The following P2RY14 variants were observed in gnomAD, a reference collection of about 807,000 sequenced individuals.
The protein encoded by P2RY14 is P2Y purinoceptor 14.
In P2RY14, 2 loss-of-function variants were observed where a neutral mutation model predicts 0.9. That is an observed-to-expected ratio of 2.16 (90% CI 0.88 to 6.79). The LOEUF is 6.79. P2RY14 is among the 30% of genes most tolerant of loss of function. P2RY14 has a pLI of 0.05. For missense variants in P2RY14, 378 were observed against 400.1 expected (o/e 0.94, Z 0.47); for synonymous variants, 158 against 147.2 (o/e 1.07, Z -0.53).
intron 1 of P2RY14, among the ~76,000 whole-genome samples, chr3:151,228,121 A>G (rs1310264029): frequency 6.6e-6 from 1 of 152,182 alleles, no homozygotes; most frequent in East Asian, 1.9e-4. Flanking sequence ...AGGTCTAGGA[A>G]TGTGAAGTGT....
intron 1 of P2RY14, chr3:151,269,597 CTACAT>C (rs1740498456): frequency 5.9e-6 from 2 of 339,100 alleles, no homozygotes; most frequent in Non-Finnish European, 1.1e-5. Flanking sequence ...CCACAAGTGT[CTACAT>C]TACTTGGGGA....
intron 1 of P2RY14, among the ~76,000 whole-genome samples, chr3:151,248,666 A>G (rs1036164362): frequency 6.6e-6 from 1 of 152,180 alleles, no homozygotes; most frequent in South Asian, 2.1e-4. Context: ...TATCAAATTA[A>G]AAAAGGATAC....
rs113029977 is a variant in P2RY14 at position 151,247,803 on chromosome 3, G to T, written c.-132-28161C>A. 5.7e-3 allele frequency among the ~76,000 whole-genome samples: 859 copies of T among 151,424 alleles called. 4 individuals are homozygous for T. The highest frequency in any genetic ancestry group is 9.8e-3 in the Non-Finnish European group (668 of 67,858). The stretch of plus-strand genomic sequence containing the variant: ...AAAAAAATGAATTAGGACTTAAGAA[G>T]TTGCATTTTCTCCATTTAGAGAGTC... On this transcript the variant is annotated intron_variant, in intron 1 of 2. Coordinates refer to ENST00000309170, the MANE Select transcript of P2RY14 (RefSeq NM_014879.4).
intron 1 of P2RY14, among the ~76,000 whole-genome samples, chr3:151,237,356 T>TC (rs1337213213): frequency 2.0e-4 from 26 of 130,998 alleles, no homozygotes; most frequent in Non-Finnish European, 3.0e-4. Flanking sequence ...TTTTCTTTTT[T>TC]TTTTTTTTTT....
intron 1 of P2RY14, among the ~76,000 whole-genome samples, chr3:151,222,597 G>A (rs1729587851): frequency 6.6e-6 from 1 of 152,206 alleles, no homozygotes; most frequent in African/African-American, 2.4e-5. Flanking sequence ...CATGTGAGAT[G>A]TGCTCCACCA....
At chr3:151,214,453 C>G (rs1231017298) in intron 2 of P2RY14, 113 bp from the exon 3 acceptor site, 2 of 666,522 alleles carry the variant, frequency 3.0e-6, no homozygotes, top group African/African-American at 1.8e-5. Flanking sequence ...ATTTTTGAAG[C>G]CACCTTTTTA....
In P2RY14 at chr3:151,214,192, A is replaced by C; in HGVS notation, c.125T>G (p.Val42Gly). ...VFIAGILLNGVSGWIFFYVPS... is the reference protein window; with the variant it reads ...VFIAGILLNGGSGWIFFYVPS... ...CACGTAAAAGAATATCCATCCTGAC[A>C]CTCCATTGAGTAGGATTCCTGCAAT... Residue 42 changes from valine (V) to glycine (G), a missense_variant, in exon 3 of 3, where the codon GTG becomes GGG. Transcript: ENST00000309170. The C allele has an allele frequency of 6.2e-7, 1 of 1,614,000 alleles. No individual in the cohort carries two copies. Among genetic ancestry groups the C allele is most frequent in the South Asian group, 1.1e-5 (1 of 91,074 alleles).
intron 1 of P2RY14, among the ~76,000 whole-genome samples, chr3:151,272,765 A>AT (rs144168201): frequency 0.012 from 1,861 of 152,152 alleles, 19 homozygotes; most frequent in Non-Finnish European, 0.018. Flanking sequence ...TATGAGTGTT[A>AT]ATGGCTATAA....
At chr3:151,234,759 G>A (rs1732386852) in intron 1 of P2RY14, among the ~76,000 whole-genome samples, 1 of 152,146 alleles carries the variant, frequency 6.6e-6, no homozygotes. Context: ...TCTAGTAAAT[G>A]GCTGGGAGAA....
intron 1 of P2RY14, among the ~76,000 whole-genome samples, chr3:151,274,911 G>A (rs1022084314): frequency 7.9e-5 from 12 of 152,092 alleles, no homozygotes; most frequent in Non-Finnish European, 1.3e-4. Flanking sequence ...ATGAATAAAT[G>A]GCCAAAATAT....
chr3:151,234,182 A>G (rs1397020452), intron 1 of P2RY14, among the ~76,000 whole-genome samples: 2 of 152,242 alleles, frequency 1.3e-5, no homozygotes, highest in Non-Finnish European at 2.9e-5. Context: ...AATAACCCAG[A>G]TGATTATTGA....
intron 1 of P2RY14, among the ~76,000 whole-genome samples, chr3:151,263,177 G>A (rs1314343124): frequency 3.3e-5 from 5 of 152,152 alleles, no homozygotes; most frequent in African/African-American, 9.7e-5. Flanking sequence ...CAGGCCCTGT[G>A]CTTTTAGGAT....
intron 1 of P2RY14, among the ~76,000 whole-genome samples, chr3:151,257,814 A>G (rs1333416421): frequency 6.6e-6 from 1 of 152,204 alleles, no homozygotes; most frequent in African/African-American, 2.4e-5. Context: ...TTCAAGTGTC[A>G]TGTGGACCAC....
At chr3:151,264,707 A>G (rs1045535366) in intron 1 of P2RY14, among the ~76,000 whole-genome samples, 1 of 152,178 alleles carries the variant, frequency 6.6e-6, no homozygotes, top group Non-Finnish European at 1.5e-5. Context: ...CAGCTGCAAG[A>G]AGGAGCTCTA....
At chr3:151,231,857 A>G (rs2149328940) in intron 1 of P2RY14, among the ~76,000 whole-genome samples, 1 of 152,352 alleles carries the variant, frequency 6.6e-6, no homozygotes, top group East Asian at 1.9e-4. Context: ...TTAGAAGGGA[A>G]GGGTCATGAT....
intron 1 of P2RY14, among the ~76,000 whole-genome samples, chr3:151,222,438 G>T (rs919465594): frequency 1.3e-5 from 2 of 152,188 alleles, no homozygotes; most frequent in African/African-American, 2.4e-5. Context: ...TAATTTCCAT[G>T]TGTTGTGGGA....
At position 151,217,741 on chromosome 3, in the gene P2RY14, C is replaced by G. The variant is rs143406658; in HGVS notation, c.-25+1794G>C. On this transcript the variant is annotated intron_variant, in intron 2 of 2. Transcript: ENST00000309170. ...TAAAGGAACAAGCTAAAGAGAAATTCCAAGATACTCTTGGTAGTAATTTTT... is the reference window on the plus strand; with the variant it reads ...TAAAGGAACAAGCTAAAGAGAAATTGCAAGATACTCTTGGTAGTAATTTTT... 1.8e-3 allele frequency among the ~76,000 whole-genome samples: 267 copies of G among 152,192 alleles called. 1 individual carries two copies. Among genetic ancestry groups the G allele is most frequent in the African/African-American group, 5.9e-3 (244 of 41,520 alleles).
At chr3:151,241,538 C>T (rs547038258) in intron 1 of P2RY14, among the ~76,000 whole-genome samples, 1 of 152,172 alleles carries the variant, frequency 6.6e-6, no homozygotes, top group South Asian at 2.1e-4. Context: ...TGGAGAGATG[C>T]AAATGCTAGT....
chr3:151,249,766 C>G (rs1239552573), intron 1 of P2RY14, among the ~76,000 whole-genome samples: 1 of 152,118 alleles, frequency 6.6e-6, no homozygotes, highest in Non-Finnish European at 1.5e-5. Flanking sequence ...GATCCCAATG[C>G]CTGGATATTT....
Sources: allele counts gnomAD v4.1 joint callset (sites outside exome capture counted in the v4.1 genomes callset), GRCh38; gene constraint gnomAD v4.1.1; transcripts MANE v1.5; gene names NCBI Gene and HGNC (gene_info 2026-07-23, HGNC 2026-07-21).